Variants in TM9SF1 observed in about 807,000 individuals in gnomAD.
The protein encoded by TM9SF1 is MP70 protein family member.
Under a neutral mutation model 52.4 loss-of-function variants are expected in TM9SF1, and 25 were observed. The ratio of observed to expected loss-of-function variants is 0.48; its 90% CI spans 0.35 to 0.67. TM9SF1 has a LOEUF of 0.67. Ranked by LOEUF, TM9SF1 falls within the 30% of genes least tolerant of loss-of-function variation. The pLI is 0.01. For missense variants in TM9SF1, 604 were observed against 780.3 expected, an observed-to-expected ratio of 0.77 and a Z score of 2.69; for synonymous variants, 284 against 299.8, an observed-to-expected ratio of 0.95 and a Z score of 0.55.
intron 1 of TM9SF1, 82 bp downstream of exon 1, chr14:24,195,243 GTCTGGCCCGGGGCCTCTACTA>G (rs1195262354): frequency 5.3e-6 from 3 of 564,208 alleles, no homozygotes; most frequent in Non-Finnish European, 9.5e-6. Flanking sequence ...CCCGCAGCCC[GTCTGGCCCGGGGCCTCTACTA>G]CGCGCCCTGG....
chr14:24,192,781 A>G lies in TM9SF1; in HGVS notation c.834T>C (p.Gly278=). 6.2e-7 allele frequency: 1 copy of G among 1,614,092 alleles called. No homozygotes were observed. Residue 278 remains glycine, a synonymous_variant, in exon 3 of 6, where the codon GGT becomes GGC. Coordinates refer to ENST00000261789, the MANE Select transcript of TM9SF1 (RefSeq NM_006405.7). This position sits in a 1 kb window ranked among gnomAD's most constrained non-coding sequence, Gnocchi z 4.0. The part of the protein sequence containing the change: ...YNLDEETTSA[G]SGDDFDQGDN... ...CACCCTGGTCAAAGTCATCACCAGAACCTGCAGAGGTGGTCTCCTCATCTA... is the reference window on the plus strand; with the variant it reads ...CACCCTGGTCAAAGTCATCACCAGAGCCTGCAGAGGTGGTCTCCTCATCTA...
In TM9SF1 at chr14:24,193,012, G is replaced by A. The variant is rs1335214653; in HGVS notation, c.603C>T (p.Thr201=). The stretch of plus-strand genomic sequence containing the variant: ...CAGACCAGCGCACGCTATAAGTGTG[G>A]GTAAGGCCTAGGAACTCGTCAGGTC... ...GLRPDEFLGL[T]HTYSVRWSET... is the part of the protein sequence containing the mutation. Residue 201 remains threonine, a synonymous_variant, in exon 3 of 6, where the codon ACC becomes ACT. Coordinates refer to ENST00000261789, the MANE Select transcript of TM9SF1 (RefSeq NM_006405.7). 2 of 1,614,174 alleles carry A rather than the reference G, an allele frequency of 1.2e-6. No individual in the cohort carries two copies. Among genetic ancestry groups the A allele is most frequent in the Admixed American group, 1.7e-5 (1 of 60,012 alleles).
At position 24,192,066 on chromosome 14, in the gene TM9SF1, T is replaced by G; in HGVS notation, c.1153+105A>C. On this transcript the variant is annotated intron_variant, in intron 4 of 5. Transcript: ENST00000261789. This position sits in a 1 kb window ranked among gnomAD's most constrained non-coding sequence, Gnocchi z 4.0. ...GGCTCAAGTGATCCTCCGGCCTCGGTCTCCCAAAGTGCTAGGATTACAGGT... is the reference window on the plus strand; with the variant it reads ...GGCTCAAGTGATCCTCCGGCCTCGGGCTCCCAAAGTGCTAGGATTACAGGT... The G allele has an allele frequency of 8.4e-7, 1 of 1,186,056 alleles. No homozygotes were observed. The highest frequency in any genetic ancestry group is 1.2e-6 in the Non-Finnish European group (1 of 808,396). The allele number at this position is 1,186,056 out of a possible 1,614,324, so 73.5% of individuals were successfully genotyped here. A position where few individuals can be genotyped will look rare whatever the true frequency, so the allele number is the denominator to read the frequency against.
In TM9SF1 at chr14:24,189,439, G is replaced by A. The variant is rs752972546; in HGVS notation, c.1797C>T (p.Ile599=). 2.5e-6 allele frequency: 4 copies of A among 1,613,790 alleles called. No homozygotes were observed. The highest frequency in any genetic ancestry group is 4.5e-5 in the East Asian group (2 of 44,896). The change falls in exon 6 of 6, where the codon ATC becomes ATT. Residue 599 remains isoleucine (I), a synonymous_variant. Coordinates refer to ENST00000261789, the MANE Select transcript of TM9SF1 (RefSeq NM_006405.7). ...CTCAGTCCATCTTGAGGTTAACATA[G>A]ATATACCGGATGAACTTTAGGGAAG... ...FFSSLKFIRY[I]YVNLKMD is the part of the protein sequence containing the mutation.
chr14:24,192,012 A>C lies in TM9SF1; in HGVS notation c.1153+159T>G. 1.4e-6 allele frequency: 1 copy of C among 709,376 alleles called. No individual in the cohort carries two copies. Among genetic ancestry groups the C allele is most frequent in the Admixed American group, 2.2e-5 (1 of 44,576 alleles). 43.9% of individuals were successfully genotyped at this position (709,376 alleles called of 1,614,324 possible). ...TTTGTTATAGAGAGAGGGTCTCACT[A>C]TGTTGTCTAGGCTTGTCTCAAACTT... On this transcript the variant is annotated intron_variant, in intron 4 of 5. Coordinates refer to ENST00000261789, the MANE Select transcript of TM9SF1 (RefSeq NM_006405.7). The surrounding 1 kb of genome is among the most constrained non-coding windows in gnomAD (Gnocchi z 4.0).
chr14:24,190,123 C>T, intron 5 of TM9SF1: 2 of 1,368,160 alleles, frequency 1.5e-6, no homozygotes, highest in South Asian at 4.0e-5. Context: ...TTAAACCCCA[C>T]ATGATGTCCA....
intron 2 of TM9SF1, among the ~76,000 whole-genome samples, chr14:24,193,736 C>T (rs1465494029): frequency 6.7e-6 from 1 of 150,190 alleles, no homozygotes; most frequent in African/African-American, 2.4e-5. Flanking sequence ...CTGGCTAACA[C>T]GGTGAAACCC....
rs371868078 is a variant in TM9SF1, at chr14:24,192,607, A to G, written c.967+41T>C. The G allele has an allele frequency of 9.1e-6, 14 of 1,531,600 alleles. No homozygotes were observed. In the East Asian group the frequency reaches 3.2e-4, roughly 35 times the overall value. The allele number at this position is 1,531,600 out of a possible 1,614,324, so 94.9% of individuals were successfully genotyped here. A position where few individuals can be genotyped will look rare whatever the true frequency, so the allele number is the denominator to read the frequency against. Reference sequence around the variant, plus strand: ...CTGAACAAACTCCCTACCTAGTTCTATCCCATGAGATAAATCCCCAATTCA... The same window carrying G: ...CTGAACAAACTCCCTACCTAGTTCTGTCCCATGAGATAAATCCCCAATTCA... On this transcript the variant is annotated intron_variant, in intron 3 of 5. Coordinates refer to ENST00000261789, the MANE Select transcript of TM9SF1 (RefSeq NM_006405.7). This position sits in a 1 kb window ranked among gnomAD's most constrained non-coding sequence, Gnocchi z 4.0.
chr14:24,193,782 T>C lies in TM9SF1; in HGVS notation c.346-513A>G, dbSNP rs1846083477. Among the ~76,000 whole-genome samples, 3 of 150,966 alleles carry C rather than the reference T, an allele frequency of 2.0e-5. No individual in the cohort carries two copies. In the South Asian group the frequency reaches 6.4e-4, roughly 32 times the overall value. On this transcript the variant is annotated intron_variant, in intron 2 of 5. Transcript: ENST00000261789. ...AAAAATACAAAAAATTAGCTGGGCG[T>C]GGTGGCGGGCGCCTGTAGTCCCAGC...
chr14:24,190,689 T>C, intron 4 of TM9SF1, 36 bp from the exon 5 acceptor site: 3 of 1,568,904 alleles, frequency 1.9e-6, no homozygotes, highest in Non-Finnish European at 2.6e-6. Context: ...GGGTCAACAC[T>C]AGGAGCTACA....
In TM9SF1 at chr14:24,193,070, C is replaced by T. The variant is rs202204259; in HGVS notation, c.545G>A (p.Arg182Gln). The T allele has an allele frequency of 1.6e-5, 26 of 1,614,066 alleles. No homozygotes were observed. Among genetic ancestry groups the T allele is most frequent in the African/African-American group, 2.7e-5 (2 of 74,926 alleles). Residue 182 changes from arginine (R) to glutamine (Q), a missense_variant, in exon 3 of 6, where the codon CGG becomes CAG. Physicochemically the swap from Arg to Gln is conservative, Grantham distance 43. Around this residue, in one of 3 missense-constraint regions of TM9SF1, gnomAD observed 450 missense variants for 560.1 expected, o/e 0.80. Coordinates refer to ENST00000261789, the MANE Select transcript of TM9SF1 (RefSeq NM_006405.7). Reference sequence around the variant, plus strand: ...ATCCAAGCTGTGGGGCTTGACGTCCCGCACTGAAACATTGGCAAATATAAT... The same window carrying T: ...ATCCAAGCTGTGGGGCTTGACGTCCTGCACTGAAACATTGGCAAATATAAT... Reference protein sequence around the residue: ...DRIIFANVSVRDVKPHSLDGL... With the variant: ...DRIIFANVSVQDVKPHSLDGL...
In TM9SF1 at chr14:24,190,095, T is replaced by C. The variant is rs117759626; in HGVS notation, c.1427+285A>G. 166 of 1,360,218 alleles carry C rather than the reference T, an allele frequency of 1.2e-4. No homozygotes were observed. In the East Asian group the frequency reaches 3.4e-3, roughly 28 times the overall value. The allele number at this position is 1,360,218 out of a possible 1,614,324, so 84.3% of individuals were successfully genotyped here. ...ACAAAGAGGTATTCAACAAAGTAAA[T>C]GGGTCATCAAATGGGCTTTAAACCC... On this transcript the variant is annotated intron_variant, in intron 5 of 5. Transcript: ENST00000261789.
chr14:24,195,321 C>A (rs906182932), intron 1 of TM9SF1, 25 bp downstream of exon 1: 3 of 351,034 alleles, frequency 8.5e-6, no homozygotes, highest in Non-Finnish European at 1.1e-5. Context: ...CGGGTCCCTT[C>A]CCGCCACAGC....
intron 2 of TM9SF1, among the ~76,000 whole-genome samples, chr14:24,194,062 C>T: frequency 6.6e-6 from 1 of 152,016 alleles, no homozygotes; most frequent in East Asian, 1.9e-4. Flanking sequence ...GCTGGTAGTA[C>T]CCCCCCAGCT....
intron 5 of TM9SF1, 160 bp from the exon 6 acceptor site, chr14:24,189,968 T>A (rs1206783155): frequency 1.1e-5 from 16 of 1,395,462 alleles, no homozygotes; most frequent in East Asian, 2.5e-5. Context: ...TTCATGGGGA[T>A]TTTTTGCCTA....
intron 1 of TM9SF1, 141 bp downstream of exon 1, chr14:24,195,205 T>C: frequency 1.7e-6 from 1 of 596,270 alleles, no homozygotes; most frequent in South Asian, 2.0e-5. Context: ...CTCTGCTCTC[T>C]CATCCTCCCA....
rs1454590743 is a variant in TM9SF1 at position 24,190,897 on chromosome 14, T to C, written c.1154-244A>G. ...TTTTTTTTGAGACAGAGTCTCGCTC[T>C]GTCGCCCAGGCTGGAGTGCAGTGGC... is the stretch of plus-strand genomic sequence containing the variant. On this transcript the variant is annotated intron_variant, in intron 4 of 5. Coordinates refer to ENST00000261789, the MANE Select transcript of TM9SF1 (RefSeq NM_006405.7). Among the ~76,000 whole-genome samples the C allele has an allele frequency of 2.9e-5, 4 of 136,712 alleles. 1 individual carries two copies. The highest frequency in any genetic ancestry group is 6.1e-5 in the Non-Finnish European group (4 of 65,340). The allele number at this position is 136,712 out of a possible 152,430, so 89.7% of individuals were successfully genotyped here. A position where few individuals can be genotyped will look rare whatever the true frequency, so the allele number is the denominator to read the frequency against.
rs1172192596 is a variant in TM9SF1, at chr14:24,192,394, C to T, written c.968-38G>A. On this transcript the variant is annotated intron_variant, in intron 3 of 5. Transcript: ENST00000261789. The surrounding 1 kb of genome is among the most constrained non-coding windows in gnomAD (Gnocchi z 4.0). Reference sequence around the variant, plus strand: ...AGCGGAAAGCCCAAGTTAGGCCTCACCTGTGTCTCTTCTAGCAATTTCAGA... The same window carrying T: ...AGCGGAAAGCCCAAGTTAGGCCTCATCTGTGTCTCTTCTAGCAATTTCAGA... 6.3e-7 allele frequency: 1 copy of T among 1,592,998 alleles called. No individual in the cohort carries two copies. Among genetic ancestry groups the T allele is most frequent in the Non-Finnish European group, 8.6e-7 (1 of 1,165,190 alleles).
chr14:24,193,131 G>A lies in TM9SF1; in HGVS notation c.484C>T (p.His162Tyr). The A allele has an allele frequency of 6.2e-7, 1 of 1,614,180 alleles. No individual in the cohort carries two copies. Among genetic ancestry groups the A allele is most frequent in the Non-Finnish European group, 8.5e-7 (1 of 1,180,038 alleles). Residue 162 changes from histidine to tyrosine, a missense_variant, in exon 3 of 6, where the codon CAT becomes TAT. By Grantham distance (83) the His-to-Tyr change is moderately conservative. Around this residue, in one of 3 missense-constraint regions of TM9SF1, gnomAD observed 450 missense variants for 560.1 expected, o/e 0.80. Transcript: ENST00000261789. Reference sequence around the variant, plus strand: ...TGGAATTCTAGGTGGAAGTCCAAATGGGTCCAGAGTCCTATCTTGTGGCTG... The same window carrying A: ...TGGAATTCTAGGTGGAAGTCCAAATAGGTCCAGAGTCCTATCTTGTGGCTG... ...PHSHKIGLWTHLDFHLEFHGD... is the reference protein window; with the variant it reads ...PHSHKIGLWTYLDFHLEFHGD...
Sources: allele counts gnomAD v4.1 joint callset (sites outside exome capture counted in the v4.1 genomes callset), GRCh38; gene constraint gnomAD v4.1.1; regional missense constraint gnomAD v4.1.1; non-coding constraint Gnocchi (gnomAD v3.1); transcripts MANE v1.5; gene names NCBI Gene and HGNC (gene_info 2026-07-23, HGNC 2026-07-21).